Variants in DCHS2 observed in about 807,000 individuals in gnomAD.
The protein encoded by DCHS2 is dachsous cadherin-related 2.
In DCHS2, 142 loss-of-function variants were observed where a neutral mutation model predicts 182.4. The observed-to-expected ratio is 0.78, with a 90% CI of 0.68 to 0.89. DCHS2 has a LOEUF of 0.89. DCHS2 is among the 40% of genes least tolerant of loss of function. The pLI, the probability that DCHS2 is intolerant of heterozygous loss-of-function variation, is 0.00. For missense variants in DCHS2, 4,319 were observed against 4,198.6 expected, an observed-to-expected ratio of 1.03 and a Z score of -0.79; for synonymous variants, 1,740 against 1,663.3, an observed-to-expected ratio of 1.05 and a Z score of -1.12.
chr4:154,406,419 A>G (rs1377551101), intron 1 of DCHS2, among the ~76,000 whole-genome samples: 1 of 152,202 alleles, frequency 6.6e-6, no homozygotes, highest in Non-Finnish European at 1.5e-5. Context: ...TTCTCTCAAG[A>G]ATCCCAGTCC....
At chr4:154,287,523 C>G (rs549084486) in intron 13 of DCHS2, among the ~76,000 whole-genome samples, 1 of 152,234 alleles carries the variant, frequency 6.6e-6, no homozygotes, top group South Asian at 2.1e-4. Context: ...CTCTGTCTCC[C>G]AGGTTGGAGT....
intron 3 of DCHS2, among the ~76,000 whole-genome samples, chr4:154,347,730 AG>A (rs1729425457): frequency 6.6e-6 from 1 of 151,916 alleles, no homozygotes; most frequent in African/African-American, 2.4e-5. Flanking sequence ...GGAAAGTAGG[AG>A]GAACTTGAGT....
chr4:154,445,591 T>TTGAG (rs778442003), intron 1 of DCHS2, among the ~76,000 whole-genome samples: 11 of 152,160 alleles, frequency 7.2e-5, no homozygotes, highest in Non-Finnish European at 1.5e-4. Flanking sequence ...AGGGGATCAC[T>TTGAG]TGAGCCCAGG....
intron 1 of DCHS2, among the ~76,000 whole-genome samples, chr4:154,429,095 A>C (rs1351348263): frequency 1.3e-5 from 2 of 152,230 alleles, no homozygotes; most frequent in Non-Finnish European, 2.9e-5. Flanking sequence ...GATGGTTTAT[A>C]AACTGGGTCA....
chr4:154,391,883 A>G (rs184535323), intron 1 of DCHS2, among the ~76,000 whole-genome samples: 17 of 152,306 alleles, frequency 1.1e-4, no homozygotes, highest in South Asian at 4.1e-4. Context: ...AAGATAGAAG[A>G]CCATTGTGCA....
At chr4:154,479,617 A>T (rs1254373060) in intron 1 of DCHS2, among the ~76,000 whole-genome samples, 1 of 152,212 alleles carries the variant, frequency 6.6e-6, no homozygotes, top group East Asian at 1.9e-4. Context: ...GGCAAATCTG[A>T]ATACTATTGT....
At chr4:154,271,846 C>G (rs1188307840) in intron 13 of DCHS2, among the ~76,000 whole-genome samples, 1 of 151,982 alleles carries the variant, frequency 6.6e-6, no homozygotes, top group Non-Finnish European at 1.5e-5. Flanking sequence ...ACTGTGTAAT[C>G]AGTATCATAA....
In DCHS2 at chr4:154,328,140, TC is replaced by T; in HGVS notation, c.3970del (p.Asp1324IlefsTer32). ...TTCTGCATTATTTCCTTCATCAGGA[TC>T]CTTTGCAAACACAGTTGTAACCAAC... The part of the protein sequence containing the change: ...NMLVTTVFAK[D>X]PDEGNNAEVT... On this transcript the variant is annotated frameshift_variant, in exon 7 of 20. Coordinates refer to ENST00000357232, the MANE Select transcript of DCHS2 (RefSeq NM_001358235.2). LOFTEE classifies it high-confidence loss of function. 1 of 1,610,188 alleles carries T rather than the reference TC, an allele frequency of 6.2e-7. No homozygotes were observed. The highest frequency in any genetic ancestry group is 1.1e-5 in the South Asian group (1 of 90,048).
intron 7 of DCHS2, chr4:154,323,387 T>A: frequency 6.5e-7 from 1 of 1,538,812 alleles, no homozygotes. Flanking sequence ...TGGAGCGCAA[T>A]TGTGCCATGA....
At chr4:154,301,023 AT>A (rs1735178144) in intron 12 of DCHS2, among the ~76,000 whole-genome samples, 1 of 152,194 alleles carries the variant, frequency 6.6e-6, no homozygotes, top group Non-Finnish European at 1.5e-5. Context: ...AAATATCCTT[AT>A]TCCTAAAATT....
chr4:154,312,290 T>A (rs572431054), intron 10 of DCHS2, among the ~76,000 whole-genome samples: 26 of 152,318 alleles, frequency 1.7e-4, no homozygotes, highest in African/African-American at 5.5e-4. Flanking sequence ...ATCCTATGGA[T>A]CTCCTTATGT....
At chr4:154,309,134 T>C (rs1465244278) in intron 10 of DCHS2, among the ~76,000 whole-genome samples, 1 of 152,236 alleles carries the variant, frequency 6.6e-6, no homozygotes, top group Non-Finnish European at 1.5e-5. Flanking sequence ...ATCTTTCTGC[T>C]GAGGCCTTTG....
Position 154,333,186 on chromosome 4 carries a change from T to A in DCHS2, c.3022A>T (p.Ser1008Cys). The A allele has an allele frequency of 6.2e-7, 1 of 1,614,214 alleles. No homozygotes were observed. The highest frequency in any genetic ancestry group is 1.1e-5 in the South Asian group (1 of 91,084). Residue 1008 changes from serine (S) to cysteine (C), a missense_variant, in exon 5 of 20, where the codon AGT becomes TGT. Physicochemically the swap from Ser to Cys is moderately radical, Grantham distance 112. Coordinates refer to ENST00000357232, the MANE Select transcript of DCHS2 (RefSeq NM_001358235.2). ...LYLARAEDRDSGRNGLIRYSI... is the reference protein window; with the variant it reads ...LYLARAEDRDCGRNGLIRYSI... The stretch of plus-strand genomic sequence containing the variant: ...TACCGGATGAGTCCGTTCCGCCCAC[T>A]GTCTCTGTCTTCCGCACGTGCGAGG...
chr4:154,273,923 A>G (rs556728767), intron 13 of DCHS2, among the ~76,000 whole-genome samples: 57 of 152,290 alleles, frequency 3.7e-4, no homozygotes, highest in African/African-American at 1.3e-3. Context: ...GGTGCACAGT[A>G]ACAGAGGCCA....
intron 14 of DCHS2, chr4:154,261,758 T>C (rs576940220): frequency 6.6e-6 from 1 of 152,234 alleles, no homozygotes; most frequent in Non-Finnish European, 1.5e-5. Flanking sequence ...CATTTTTTGA[T>C]ATCAAATTTA....
intron 1 of DCHS2, among the ~76,000 whole-genome samples, chr4:154,435,002 G>A (rs1164212012): frequency 6.6e-6 from 1 of 152,130 alleles, no homozygotes; most frequent in Non-Finnish European, 1.5e-5. Context: ...ATCTCGCAAT[G>A]GAGAAAGGAC....
chr4:154,359,337 G>A (rs768916109), intron 3 of DCHS2, among the ~76,000 whole-genome samples: 3 of 151,842 alleles, frequency 2.0e-5, no homozygotes, highest in Non-Finnish European at 2.9e-5. Flanking sequence ...ATATATATAC[G>A]TACATAATCA....
intron 1 of DCHS2, among the ~76,000 whole-genome samples, chr4:154,442,341 C>G (rs567673112): frequency 6.6e-6 from 1 of 152,202 alleles, no homozygotes; most frequent in South Asian, 2.1e-4. Context: ...GTCTCAATCC[C>G]TAGACTCTCT....
In DCHS2 at chr4:154,237,076, T is replaced by A; in HGVS notation, c.7576A>T (p.Asn2526Tyr). ...AAAGTAAGAGCTCTCAGGTCAGGAT[T>A]TCCACCATCACTGGCTTCCACAAGA... ...QFLVEASDGG[N>Y]PDLRALTLVE... is the part of the protein sequence containing the mutation. The change falls in exon 20 of 20, where the codon AAT (asparagine) becomes TAT (tyrosine). Residue 2526 changes from asparagine to tyrosine, a missense_variant. Coordinates refer to ENST00000357232, the MANE Select transcript of DCHS2 (RefSeq NM_001358235.2). 6.2e-7 allele frequency: 1 copy of A among 1,613,868 alleles called. No homozygotes were observed. Among genetic ancestry groups the A allele is most frequent in the East Asian group, 2.2e-5 (1 of 44,850 alleles).
Sources: allele counts gnomAD v4.1 joint callset (sites outside exome capture counted in the v4.1 genomes callset), GRCh38; gene constraint gnomAD v4.1.1; transcripts MANE v1.5; gene names NCBI Gene and HGNC (gene_info 2026-07-23, HGNC 2026-07-21).